The following GRM7 variants were observed in gnomAD, a reference collection of about 807,000 sequenced individuals.
GRM7 encodes glutamate metabotropic receptor 7.
Under a neutral mutation model 84.5 loss-of-function variants are expected in GRM7, and 35 were observed. That is an observed-to-expected ratio of 0.41 (90% CI 0.32 to 0.55). The LOEUF (loss-of-function observed/expected upper bound fraction) is 0.55. Among genes scored for constraint, GRM7 ranks in the 20% least tolerant of loss-of-function variants. The pLI is 0.19. For missense variants in GRM7, 1,003 were observed against 1,194.6 expected (o/e 0.84, Z 2.36); for synonymous variants, 487 against 455.1 (o/e 1.07, Z -0.89).
chr3:7,241,925 G>A (rs1373238513), intron 2 of GRM7, among the ~76,000 whole-genome samples: 1 of 152,116 alleles, frequency 6.6e-6, no homozygotes, highest in African/African-American at 2.4e-5. Flanking sequence ...CTGGCACAGA[G>A]GGACCACAGC....
intron 7 of GRM7, among the ~76,000 whole-genome samples, chr3:7,541,589 A>G (rs1490089904): frequency 6.6e-6 from 1 of 152,178 alleles, no homozygotes; most frequent in Non-Finnish European, 1.5e-5. Flanking sequence ...TGTGTTTTCC[A>G]CTGTCTTCTG....
Position 7,452,793 on chromosome 3 carries a change from A to G in GRM7, c.1361A>G (p.Asn454Ser), listed in dbSNP as rs1697829173. ...AAGAAGTTGCTGAAGTATATACGCA[A>G]TGTTAATTTCAATGGTGAGTCTCCA... ...GGKKLLKYIR[N>S]VNFNGSAGTP... The change falls in exon 6 of 10, where the codon AAT becomes AGT. Residue 454 changes from asparagine to serine, a missense_variant. Asn to Ser is a conservative substitution (Grantham distance 46, BLOSUM62 1). This residue lies in a region of GRM7 where 910 missense variants were observed against 1,126.0 expected (regional missense o/e 0.81). Transcript: ENST00000357716. 3.1e-6 allele frequency: 5 copies of G among 1,609,406 alleles called. No individual in the cohort carries two copies. The highest frequency in any genetic ancestry group is 1.7e-5 in the Admixed American group (1 of 59,804).
At chr3:7,384,563 A>G (rs1014129146) in intron 4 of GRM7, among the ~76,000 whole-genome samples, 3 of 152,230 alleles carry the variant, frequency 2.0e-5, no homozygotes, top group African/African-American at 7.2e-5. Flanking sequence ...AACCCAATGT[A>G]TCCCAAATAT....
chr3:7,455,827 T>C (rs1697985338), intron 6 of GRM7, among the ~76,000 whole-genome samples: 1 of 151,890 alleles, frequency 6.6e-6, no homozygotes, highest in African/African-American at 2.4e-5. Context: ...ATTCCATCAG[T>C]GTTAACTTAC....
intron 5 of GRM7, among the ~76,000 whole-genome samples, chr3:7,435,669 C>T (rs898753773): frequency 7.0e-6 from 1 of 142,466 alleles, no homozygotes; most frequent in African/African-American, 2.6e-5. Context: ...CTTGCCACCA[C>T]ATCCGGCTAG....
At chr3:7,394,402 T>C (rs1695125663) in intron 4 of GRM7, among the ~76,000 whole-genome samples, 1 of 152,226 alleles carries the variant, frequency 6.6e-6, no homozygotes, top group Admixed American at 6.5e-5. Context: ...TCATCTGGCC[T>C]GGCCACTGAA....
At chr3:7,695,062 A>ATGAT (rs755259539) in intron 9 of GRM7, among the ~76,000 whole-genome samples, 4 of 152,162 alleles carry the variant, frequency 2.6e-5, no homozygotes, top group Non-Finnish European at 5.9e-5. Context: ...TGGTATTAAA[A>ATGAT]TGATTGATTT....
At chr3:7,572,821 C>CAAAAAAAAAAAAAAA (rs1437470999) in intron 7 of GRM7, among the ~76,000 whole-genome samples, 1 of 20,992 alleles carries the variant, frequency 4.8e-5, no homozygotes, top group African/African-American at 1.9e-4. Context: ...GACTCTATCT[C>CAAAAAAAAAAAAAAA]AAATATATAT....
chr3:7,236,259 G>A (rs192724060), intron 2 of GRM7, among the ~76,000 whole-genome samples: 1 of 152,304 alleles, frequency 6.6e-6, no homozygotes, highest in East Asian at 1.9e-4. Context: ...TCAAACCATA[G>A]TAGGCAGTAA....
chr3:6,954,191 C>T (rs1017399168), intron 1 of GRM7, among the ~76,000 whole-genome samples: 1 of 152,138 alleles, frequency 6.6e-6, no homozygotes, highest in African/African-American at 2.4e-5. Context: ...TCAGGGTATA[C>T]ATCACTGAAG....
chr3:6,957,732 C>G (rs776846564), intron 1 of GRM7, among the ~76,000 whole-genome samples: 3 of 152,156 alleles, frequency 2.0e-5, no homozygotes, highest in Non-Finnish European at 4.4e-5. Flanking sequence ...TTTACCAGCA[C>G]AAGTAACACC....
chr3:7,539,424 C>T (rs915767303), intron 7 of GRM7, among the ~76,000 whole-genome samples: 2 of 152,140 alleles, frequency 1.3e-5, no homozygotes, highest in East Asian at 1.9e-4. Context: ...CGCCTGTAAT[C>T]CCAGCACTTT....
intron 7 of GRM7, among the ~76,000 whole-genome samples, chr3:7,501,786 C>T (rs779330445): frequency 6.6e-6 from 1 of 152,136 alleles, no homozygotes; most frequent in African/African-American, 2.4e-5. Context: ...ATACAAGGCA[C>T]TATGTTCAAG....
intron 7 of GRM7, among the ~76,000 whole-genome samples, chr3:7,544,797 C>A (rs1001067759): frequency 8.5e-5 from 13 of 152,234 alleles, no homozygotes; most frequent in African/African-American, 2.9e-4. Context: ...TTGTTCTCCC[C>A]TCTCCTTATG....
At chr3:6,887,693 G>C (rs1483229815) in intron 1 of GRM7, among the ~76,000 whole-genome samples, 1 of 152,068 alleles carries the variant, frequency 6.6e-6, no homozygotes. Flanking sequence ...ATAAACATAC[G>C]TGTGCATGTG....
chr3:6,914,566 C>A (rs1696879270), intron 1 of GRM7, among the ~76,000 whole-genome samples: 1 of 152,046 alleles, frequency 6.6e-6, no homozygotes, highest in Admixed American at 6.6e-5. Flanking sequence ...GCACGCCTGG[C>A]TAATTTTTGT....
intron 1 of GRM7, among the ~76,000 whole-genome samples, chr3:7,081,464 G>C (rs1698272408): frequency 1.3e-5 from 2 of 151,980 alleles, no homozygotes; most frequent in Admixed American, 6.6e-5. Context: ...CTATTCCATT[G>C]ACTGGTTCTG....
intron 4 of GRM7, among the ~76,000 whole-genome samples, chr3:7,328,029 G>A (rs1004838743): frequency 1.3e-5 from 2 of 152,132 alleles, no homozygotes; most frequent in Non-Finnish European, 2.9e-5. Flanking sequence ...AAGTTCCAAA[G>A]CCAGAAATTG....
intron 1 of GRM7, among the ~76,000 whole-genome samples, chr3:7,007,722 C>T (rs1398960005): frequency 1.3e-5 from 2 of 152,012 alleles, no homozygotes; most frequent in Non-Finnish European, 2.9e-5. Flanking sequence ...GATCTGATGC[C>T]CCACAAAATG....
Sources: gnomAD v4.1 joint callset for allele counts (sites outside exome capture counted in the v4.1 genomes callset) on GRCh38, gnomAD v4.1.1 for gene constraint, gnomAD v4.1.1 regional missense constraint, MANE v1.5 for transcripts, NCBI Gene and HGNC (gene_info 2026-07-23, HGNC 2026-07-21) for gene names.